The following KIF13A variants were observed in gnomAD, a reference collection of about 807,000 sequenced individuals.
KIF13A encodes the protein kinesin family member 13A.
KIF13A carries 79 observed loss-of-function variants against 212.2 expected under a neutral mutation model. The ratio of observed to expected loss-of-function variants is 0.37; its 90% CI spans 0.31 to 0.45. KIF13A has a LOEUF of 0.45. Ranked by LOEUF, KIF13A falls within the 20% of genes least tolerant of loss-of-function variation. The probability of loss-of-function intolerance (pLI) is 1.00; values close to 1 mark genes in which losing one functional copy is unlikely to be tolerated. For missense variants in KIF13A, 1,901 were observed against 2,209.0 expected (o/e 0.86, Z 2.79); for synonymous variants, 789 against 808.6 (o/e 0.98, Z 0.41).
chr6:17,821,947 C>T (rs1339312842), intron 16 of KIF13A: 7 of 1,532,428 alleles, frequency 4.6e-6, no homozygotes, highest in East Asian at 2.4e-5. Context: ...GTCCAGCCAC[C>T]GGCACATCAG....
At chr6:17,810,479 C>A (rs543172972) in intron 17 of KIF13A, among the ~76,000 whole-genome samples, 1 of 152,214 alleles carries the variant, frequency 6.6e-6, no homozygotes, top group Non-Finnish European at 1.5e-5. Context: ...TGGTCCCCAA[C>A]CTTTTTGGCA....
Position 17,781,296 on chromosome 6 carries a change from C to A in KIF13A, c.3550G>T (p.Asp1184Tyr). The change falls in exon 30 of 39, where the codon GAC (aspartate) becomes TAC (tyrosine). Residue 1184 changes from aspartate (D) to tyrosine (Y), a missense_variant. By Grantham distance (160) the Asp-to-Tyr change is radical. Around this residue, in one of 5 missense-constraint regions of KIF13A, gnomAD observed 687 missense variants for 759.1 expected, o/e 0.90. Transcript: ENST00000259711. ...PVLFLDLNAD[D>Y]LSANEQLVGP... is the part of the protein sequence containing the mutation. ...ACAAGCTGCTCATTGGCACTGAGGTCATCCGCTAACCACATCAGGAGCACA... is the reference window on the plus strand; with the variant it reads ...ACAAGCTGCTCATTGGCACTGAGGTAATCCGCTAACCACATCAGGAGCACA... The A allele has an allele frequency of 6.2e-7, 1 of 1,604,174 alleles. No homozygotes were observed. The highest frequency in any genetic ancestry group is 8.5e-7 in the Non-Finnish European group (1 of 1,176,286).
At position 17,837,016 on chromosome 6, in the gene KIF13A, G is replaced by A. The variant is rs767869589; in HGVS notation, c.1017C>T (p.Thr339=). The A allele has an allele frequency of 1.9e-6, 3 of 1,613,846 alleles. No homozygotes were observed. Among genetic ancestry groups the A allele is most frequent in the African/African-American group, 1.3e-5 (1 of 74,986 alleles). ...GGTCTGCATATCTTAATGTGGAGAG[G>A]GTCTCTTCATAGTTGTCTGCGGCTG... ...ISPAADNYEE[T]LSTLRYADRA... Residue 339 remains threonine, a synonymous_variant, in exon 11 of 39, where the codon ACC becomes ACT. Coordinates refer to ENST00000259711, the MANE Select transcript of KIF13A (RefSeq NM_022113.6). This position sits in a 1 kb window ranked among gnomAD's most constrained non-coding sequence, Gnocchi z 5.4.
intron 2 of KIF13A, among the ~76,000 whole-genome samples, chr6:17,962,586 G>C (rs554604277): frequency 1.2e-4 from 18 of 152,182 alleles, no homozygotes; most frequent in African/African-American, 4.1e-4. Context: ...CATCTGTACC[G>C]GCCCTGCCCT....
chr6:17,826,146 T>C lies in KIF13A; in HGVS notation c.1533-22A>G, dbSNP rs779657808. 1.5e-5 allele frequency: 24 copies of C among 1,595,280 alleles called. No individual in the cohort carries two copies. The highest frequency in any genetic ancestry group is 2.1e-5 in the Non-Finnish European group (24 of 1,163,756). ...GGACCTGGGAGAACACGAGGGAAAATACCAGGTAAATGGGAAGGAGCACAA... is the reference window on the plus strand; with the variant it reads ...GGACCTGGGAGAACACGAGGGAAAACACCAGGTAAATGGGAAGGAGCACAA... On this transcript the variant is annotated intron_variant, in intron 14 of 38. Transcript: ENST00000259711. This position sits in a 1 kb window ranked among gnomAD's most constrained non-coding sequence, Gnocchi z 4.7.
Position 17,837,338 on chromosome 6 carries a change from T to C in KIF13A, c.942+134A>G. 1.4e-6 allele frequency: 1 copy of C among 697,212 alleles called. No individual in the cohort carries two copies. 43.2% of individuals were successfully genotyped at this position (697,212 alleles called of 1,614,324 possible). A position where few individuals can be genotyped will look rare whatever the true frequency, so the allele number is the denominator to read the frequency against. ...GGAGTAGAAAATAGTTTTCATTCTG[T>C]GTTCCTAGGAATTAGAATAACTGTC... On this transcript the variant is annotated intron_variant, in intron 10 of 38. Coordinates refer to ENST00000259711, the MANE Select transcript of KIF13A (RefSeq NM_022113.6). The surrounding 1 kb of genome is among the most constrained non-coding windows in gnomAD (Gnocchi z 5.4).
At chr6:17,792,495 T>C (rs563953822) in intron 25 of KIF13A, among the ~76,000 whole-genome samples, 1 of 152,316 alleles carries the variant, frequency 6.6e-6, no homozygotes, top group Admixed American at 6.5e-5. Context: ...GAACCCAGGT[T>C]TCCTGACTCC....
At chr6:17,802,944 T>TG (rs1450397164) in intron 20 of KIF13A, among the ~76,000 whole-genome samples, 1 of 150,744 alleles carries the variant, frequency 6.6e-6, no homozygotes, top group Non-Finnish European at 1.5e-5. Context: ...TTTTTTTTGT[T>TG]TTGTTTTGAG....
At chr6:17,977,109 A>T (rs1446419617) in intron 2 of KIF13A, among the ~76,000 whole-genome samples, 3 of 84,310 alleles carry the variant, frequency 3.6e-5, no homozygotes, top group African/African-American at 1.9e-4. Context: ...CTCAAAAAAC[A>T]ACAACAAAAA....
intron 29 of KIF13A, among the ~76,000 whole-genome samples, chr6:17,781,623 GTTTT>G (rs776138365): frequency 1.9e-5 from 2 of 107,072 alleles, no homozygotes; most frequent in East Asian, 2.8e-4. Flanking sequence ...CTGTACTTGG[GTTTT>G]TTTTTTTTTT....
intron 2 of KIF13A, among the ~76,000 whole-genome samples, chr6:17,907,338 CCTCTCTGGCAT>C (rs1773600606): frequency 6.6e-6 from 1 of 152,120 alleles, no homozygotes; most frequent in African/African-American, 2.4e-5. Context: ...TTGAGTATTG[CCTCTCTGGCAT>C]CAAAGAATTT....
chr6:17,787,673 C>G lies in KIF13A; in HGVS notation c.3361+103G>C. ...CTTAAAACAACAACAACAACAACAA[C>G]AAAAATAAGATACTACTGTCCAGTT... On this transcript the variant is annotated intron_variant, in intron 27 of 38. Coordinates refer to ENST00000259711, the MANE Select transcript of KIF13A (RefSeq NM_022113.6). The surrounding 1 kb of genome is among the most constrained non-coding windows in gnomAD (Gnocchi z 4.6). 1.4e-6 allele frequency: 1 copy of G among 716,158 alleles called. No individual in the cohort carries two copies. The highest frequency in any genetic ancestry group is 2.5e-6 in the Non-Finnish European group (1 of 404,546). The allele number at this position is 716,158 out of a possible 1,614,324, so 44.4% of individuals were successfully genotyped here.
chr6:17,921,833 C>T (rs1054759660), intron 2 of KIF13A, among the ~76,000 whole-genome samples: 3 of 152,178 alleles, frequency 2.0e-5, no homozygotes, highest in Non-Finnish European at 4.4e-5. Context: ...AAAGCTTCCC[C>T]CAGTAGAAGT....
chr6:17,792,931 G>A (rs139653560), intron 25 of KIF13A, among the ~76,000 whole-genome samples: 9 of 152,264 alleles, frequency 5.9e-5, no homozygotes, highest in South Asian at 2.1e-4. Context: ...TTTTCTCCTC[G>A]GCACGATAGG....
chr6:17,775,145 C>T (rs1759837661), intron 34 of KIF13A, 83 bp from the exon 35 acceptor site: 1 of 1,093,436 alleles, frequency 9.1e-7, no homozygotes, highest in Non-Finnish European at 1.3e-6. Context: ...CAGAATGTCA[C>T]AGTTGAAGCC....
chr6:17,808,472 C>T (rs1248508468), intron 18 of KIF13A, among the ~76,000 whole-genome samples: 2 of 151,350 alleles, frequency 1.3e-5, no homozygotes, highest in African/African-American at 4.9e-5. Flanking sequence ...CATTTACATG[C>T]AAAAAAAAGC....
At chr6:17,860,426 T>C (rs1768640221) in intron 4 of KIF13A, among the ~76,000 whole-genome samples, 1 of 152,106 alleles carries the variant, frequency 6.6e-6, no homozygotes, top group Non-Finnish European at 1.5e-5. Context: ...TGACCCTAGG[T>C]GATCTGCCTG....
chr6:17,764,470 A>T lies in KIF13A; in HGVS notation c.5058T>A (p.Pro1686=), dbSNP rs569219198. 1 of 1,614,010 alleles carries T rather than the reference A, an allele frequency of 6.2e-7. No individual in the cohort carries two copies. Among genetic ancestry groups the T allele is most frequent in the Non-Finnish European group, 8.5e-7 (1 of 1,179,890 alleles). Residue 1686 remains proline (P), a synonymous_variant, in exon 39 of 39, where the codon CCT becomes CCA. Transcript: ENST00000259711. The surrounding 1 kb of genome is among the most constrained non-coding windows in gnomAD (Gnocchi z 5.1). ...TGCACAGTGATTTGGAGTTTTTCTC[A>T]GGGATGCTCTGGGATGATGGGCTCC... The part of the protein sequence containing the change: ...AKGSPSSQSI[P]EKNSKSLCRT...
intron 23 of KIF13A, among the ~76,000 whole-genome samples, chr6:17,795,463 C>T (rs1470719827): frequency 6.6e-6 from 1 of 151,576 alleles, no homozygotes; most frequent in African/African-American, 2.4e-5. Flanking sequence ...GGCATGGCAG[C>T]ACACGCCTGT....
Sources: allele counts gnomAD v4.1 joint callset (sites outside exome capture counted in the v4.1 genomes callset), GRCh38; gene constraint gnomAD v4.1.1; regional missense constraint gnomAD v4.1.1; non-coding constraint Gnocchi (gnomAD v3.1); transcripts MANE v1.5; gene names NCBI Gene and HGNC (gene_info 2026-07-23, HGNC 2026-07-21).